CYP7B1: variants seen among roughly 807,000 people sequenced by gnomAD.
CYP7B1 encodes cytochrome P450 7B1.
Under a neutral mutation model 42.7 loss-of-function variants are expected in CYP7B1, and 29 were observed. The observed-to-expected ratio is 0.68, with a 90% CI of 0.51 to 0.93. The LOEUF (loss-of-function observed/expected upper bound fraction) is 0.93, where lower values mean the gene tolerates loss of function less well. Ranked by LOEUF, CYP7B1 falls within the 40% of genes least tolerant of loss-of-function variation. The probability of loss-of-function intolerance (pLI) is 0.00; values close to 1 mark genes in which losing one functional copy is unlikely to be tolerated. For missense variants in CYP7B1, 655 were observed against 600.5 expected, an observed-to-expected ratio of 1.09 and a Z score of -0.95; for synonymous variants, 235 against 218.2, an observed-to-expected ratio of 1.08 and a Z score of -0.68.
chr8:64,647,528 T>G (rs1486136951), intron 1 of CYP7B1, among the ~76,000 whole-genome samples: 1 of 152,158 alleles, frequency 6.6e-6, no homozygotes, highest in South Asian at 2.1e-4. Context: ...GTTATGAAGG[T>G]TGGTAAGTCT....
chr8:64,740,186 A>G (rs905198354), intron 1 of CYP7B1, among the ~76,000 whole-genome samples: 2 of 152,094 alleles, frequency 1.3e-5, no homozygotes, highest in Admixed American at 6.6e-5. Context: ...TGTAAGTCAC[A>G]CCTTAACAAA....
intron 1 of CYP7B1, among the ~76,000 whole-genome samples, chr8:64,650,149 A>G (rs889608919): frequency 6.6e-6 from 1 of 152,200 alleles, no homozygotes. Context: ...CAAAACAAAC[A>G]ATGGCATAAG....
chr8:64,748,068 A>G (rs1267462027), intron 1 of CYP7B1, among the ~76,000 whole-genome samples: 4 of 152,098 alleles, frequency 2.6e-5, no homozygotes, highest in Non-Finnish European at 5.9e-5. Flanking sequence ...AAGATTTTTG[A>G]GCTTGCCAGC....
intron 1 of CYP7B1, among the ~76,000 whole-genome samples, chr8:64,735,682 C>A (rs200684221): frequency 1.3e-5 from 2 of 152,078 alleles, no homozygotes; most frequent in East Asian, 1.9e-4. Context: ...GAGGTCCCAG[C>A]AAATAACTCA....
At chr8:64,757,594 G>A (rs1807826477) in intron 1 of CYP7B1, among the ~76,000 whole-genome samples, 1 of 152,208 alleles carries the variant, frequency 6.6e-6, no homozygotes, top group African/African-American at 2.4e-5. Flanking sequence ...ACCACTTCAA[G>A]ATCATCTCAG....
chr8:64,625,419 C>A (rs1260269775), intron 1 of CYP7B1, among the ~76,000 whole-genome samples: 1 of 152,080 alleles, frequency 6.6e-6, no homozygotes, highest in African/African-American at 2.4e-5. Flanking sequence ...TAGGTAGGTA[C>A]CTGTGACTAA....
intron 2 of CYP7B1, among the ~76,000 whole-genome samples, chr8:64,621,394 G>A (rs1260712384): frequency 6.6e-6 from 1 of 152,230 alleles, no homozygotes; most frequent in Non-Finnish European, 1.5e-5. Flanking sequence ...AATATAGGAG[G>A]AGTCAGCAAA....
intron 1 of CYP7B1, among the ~76,000 whole-genome samples, chr8:64,782,492 A>G (rs1260076665): frequency 2.0e-5 from 3 of 152,190 alleles, no homozygotes; most frequent in African/African-American, 7.2e-5. Flanking sequence ...CCCAGCCTCC[A>G]GAACTATGAA....
chr8:64,773,342 C>T (rs1047276373), intron 1 of CYP7B1, among the ~76,000 whole-genome samples: 1 of 152,178 alleles, frequency 6.6e-6, no homozygotes, highest in Admixed American at 6.5e-5. Flanking sequence ...GGGCAAATAG[C>T]TGCAAACTAT....
At chr8:64,693,283 G>A (rs1806775052) in intron 1 of CYP7B1, among the ~76,000 whole-genome samples, 1 of 152,236 alleles carries the variant, frequency 6.6e-6, no homozygotes, top group African/African-American at 2.4e-5. Context: ...GCATGCACAT[G>A]TATACATTTC....
At chr8:64,648,412 T>A (rs16931352) in intron 1 of CYP7B1, among the ~76,000 whole-genome samples, 13,284 of 152,236 alleles carry the variant, frequency 0.087, 872 homozygotes, top group African/African-American at 0.17. Flanking sequence ...ATGGTACCTG[T>A]CCTGGCCACA....
intron 1 of CYP7B1, chr8:64,728,848 GA>G (rs35327184): frequency 1.3e-5 from 2 of 152,168 alleles, no homozygotes; most frequent in Non-Finnish European, 2.9e-5. Context: ...TGTTAAGAGA[GA>G]ATATCCTACC....
intron 1 of CYP7B1, among the ~76,000 whole-genome samples, chr8:64,663,189 G>A (rs1806224211): frequency 6.6e-6 from 1 of 152,058 alleles, no homozygotes; most frequent in Admixed American, 6.5e-5. Flanking sequence ...ATGGTACTTT[G>A]TAAATAGTTG....
chr8:64,746,620 T>C (rs1209943535), intron 1 of CYP7B1, among the ~76,000 whole-genome samples: 1 of 152,198 alleles, frequency 6.6e-6, no homozygotes, highest in Non-Finnish European at 1.5e-5. Flanking sequence ...AAGACAATTG[T>C]TACCTGTTAG....
At chr8:64,669,948 C>T (rs1428565701) in intron 1 of CYP7B1, among the ~76,000 whole-genome samples, 1 of 152,210 alleles carries the variant, frequency 6.6e-6, no homozygotes, top group African/African-American at 2.4e-5. Context: ...TAGACTCTGG[C>T]TTCCAGATTT....
intron 1 of CYP7B1, among the ~76,000 whole-genome samples, chr8:64,758,621 A>C (rs773620032): frequency 9.9e-5 from 15 of 152,218 alleles, no homozygotes; most frequent in Non-Finnish European, 1.3e-4. Context: ...ATGTAATTTT[A>C]GTCTCCCTTT....
chr8:64,680,885 C>T (rs1484439143), intron 1 of CYP7B1, among the ~76,000 whole-genome samples: 1 of 152,194 alleles, frequency 6.6e-6, no homozygotes, highest in Non-Finnish European at 1.5e-5. Flanking sequence ...ATGCCATCTT[C>T]ACTTCAAGTA....
At chr8:64,759,563 G>A (rs947362730) in intron 1 of CYP7B1, among the ~76,000 whole-genome samples, 3 of 152,026 alleles carry the variant, frequency 2.0e-5, no homozygotes, top group South Asian at 4.1e-4. Flanking sequence ...CAAAGAACCC[G>A]ATAAATTATT....
intron 1 of CYP7B1, among the ~76,000 whole-genome samples, chr8:64,727,290 G>C (rs537954468): frequency 5.3e-4 from 80 of 152,288 alleles, no homozygotes; most frequent in African/African-American, 1.9e-3. Flanking sequence ...TTAGCAAAAA[G>C]TATAATAATT....
Sources: allele counts gnomAD v4.1 joint callset (sites outside exome capture counted in the v4.1 genomes callset), GRCh38; gene constraint gnomAD v4.1.1; transcripts MANE v1.5; gene names NCBI Gene and HGNC (gene_info 2026-07-23, HGNC 2026-07-21).